HTT: variants seen among roughly 807,000 people sequenced by gnomAD.
HTT encodes huntingtin.
Under a neutral mutation model 362.3 loss-of-function variants are expected in HTT, and 104 were observed. That is an observed-to-expected ratio of 0.29 (90% CI 0.24 to 0.34). HTT has a LOEUF of 0.34. Among genes scored for constraint, HTT ranks in the 10% least tolerant of loss-of-function variants. The pLI, the probability that HTT is intolerant of heterozygous loss-of-function variation, is 1.00. For synonymous variants in HTT, 1,577 were observed against 1,548.7 expected (o/e 1.02, Z -0.43); for missense variants, 3,301 against 3,928.6 (o/e 0.84, Z 4.27).
Position 3,228,697 on chromosome 4 carries a change from C to T in HTT, c.7931C>T (p.Ala2644Val), listed in dbSNP as rs1284484170. The T allele has an allele frequency of 6.2e-7, 1 of 1,605,762 alleles. No individual in the cohort carries two copies. The highest frequency in any genetic ancestry group is 8.5e-7 in the Non-Finnish European group (1 of 1,173,818). ...EEWDEEEEEE[A>V]DAPAPSSPPT... is the part of the protein sequence containing the mutation. ...TGGGACGAGGAAGAGGAGGAGGAGG[C>T]CGACGCCCCTGCACCTTCGTCACCA... Residue 2644 changes from alanine (A) to valine (V), a missense_variant, in exon 58 of 67, where the codon GCC becomes GTC. By Grantham distance (64) the Ala-to-Val change is moderately conservative (BLOSUM62 0). Around this residue, in one of 4 missense-constraint regions of HTT, gnomAD observed 753 missense variants for 1,021.3 expected, o/e 0.74. Transcript: ENST00000355072. This position sits in a 1 kb window ranked among gnomAD's most constrained non-coding sequence, Gnocchi z 4.3.
intron 64 of HTT, among the ~76,000 whole-genome samples, chr4:3,237,914 A>G (rs1721615297): frequency 6.6e-6 from 1 of 152,226 alleles, no homozygotes; most frequent in South Asian, 2.1e-4. Flanking sequence ...CCTGGTTGAC[A>G]ACAGTGCCAC....
intron 3 of HTT, among the ~76,000 whole-genome samples, chr4:3,100,871 G>A (rs1714119232): frequency 6.6e-6 from 1 of 152,198 alleles, no homozygotes; most frequent in Non-Finnish European, 1.5e-5. Flanking sequence ...GGGACTACAG[G>A]CGTGCACCAC....
intron 42 of HTT, among the ~76,000 whole-genome samples, chr4:3,204,704 G>A (rs1719769582): frequency 6.6e-6 from 1 of 152,090 alleles, no homozygotes; most frequent in African/African-American, 2.4e-5. Flanking sequence ...GTGGTGGCTC[G>A]TGCCTGTAAT....
At chr4:3,148,742 G>A (rs1442072288) in intron 26 of HTT, among the ~76,000 whole-genome samples, 2 of 152,158 alleles carry the variant, frequency 1.3e-5, no homozygotes, top group African/African-American at 4.8e-5. Flanking sequence ...AGCTTGCAGT[G>A]AGCCGAGATC....
At chr4:3,181,691 C>T (rs1449875360) in intron 36 of HTT, among the ~76,000 whole-genome samples, 3 of 151,974 alleles carry the variant, frequency 2.0e-5, no homozygotes, top group Admixed American at 1.3e-4. Context: ...TACTTAATGC[C>T]TAATTAAATC....
At chr4:3,156,183 G>A (rs749397872) in intron 27 of HTT, among the ~76,000 whole-genome samples, 5 of 152,002 alleles carry the variant, frequency 3.3e-5, no homozygotes, top group Non-Finnish European at 7.4e-5. Flanking sequence ...ACCATGGCAC[G>A]ATCTCATCTC....
At chr4:3,204,250 C>A in intron 42 of HTT, 102 bp downstream of exon 42, 1 of 1,108,620 alleles carries the variant, frequency 9.0e-7, no homozygotes, top group Non-Finnish European at 1.3e-6. Context: ...CCAGACCGCC[C>A]GGTGTCCTGC....
rs761675140 is a variant in HTT at position 3,121,266 on chromosome 4, C to A, written c.1107C>A (p.Asp369Glu). The part of the protein sequence containing the change: ...ELTLHHTQHQ[D>E]HNVVTGALEL... ...CGTTACATCATACACAGCACCAAGA[C>A]CACAATGTTGTGACCGGAGCCCTGG... The change falls in exon 9 of 67, where the codon GAC becomes GAA. Residue 369 changes from aspartate to glutamate, a missense_variant. By Grantham distance (45) the Asp-to-Glu change is conservative. This residue lies in a region of HTT where 2,316 missense variants were observed against 2,658.5 expected (regional missense o/e 0.87). Transcript: ENST00000355072. 1 of 1,614,186 alleles carries A rather than the reference C, an allele frequency of 6.2e-7. No homozygotes were observed. Among genetic ancestry groups the A allele is most frequent in the East Asian group, 2.2e-5 (1 of 44,888 alleles).
chr4:3,116,810 A>C (rs1348785238), intron 8 of HTT, among the ~76,000 whole-genome samples: 1 of 152,204 alleles, frequency 6.6e-6, no homozygotes, highest in African/African-American at 2.4e-5. Context: ...TTGGCAGTTG[A>C]CTTCAGTTCT....
At chr4:3,174,500 G>A (rs1718139496) in intron 31 of HTT, among the ~76,000 whole-genome samples, 1 of 152,220 alleles carries the variant, frequency 6.6e-6, no homozygotes, top group South Asian at 2.1e-4. Flanking sequence ...TGCGAGTGAG[G>A]AGACTTGATG....
At chr4:3,144,033 A>G (rs1716480597) in intron 23 of HTT, among the ~76,000 whole-genome samples, 1 of 152,234 alleles carries the variant, frequency 6.6e-6, no homozygotes, top group African/African-American at 2.4e-5. Context: ...TTTTAACAAT[A>G]TGGAGATGTA....
chr4:3,111,744 G>T (rs1714763235), intron 6 of HTT, among the ~76,000 whole-genome samples: 1 of 152,116 alleles, frequency 6.6e-6, no homozygotes, highest in East Asian at 1.9e-4. Context: ...CTTTGCCGGA[G>T]GTGGGGGAGG....
At position 3,240,940 on chromosome 4, in the gene HTT, G is replaced by A. The variant is rs1721775154; in HGVS notation, c.*881G>A. The A allele has an allele frequency of 6.6e-6, 1 of 152,294 alleles. No homozygotes were observed. The highest frequency in any genetic ancestry group is 1.5e-5 in the Non-Finnish European group (1 of 68,090). 9.4% of individuals were successfully genotyped at this position (152,294 alleles called of 1,614,324 possible). A position where few individuals can be genotyped will look rare whatever the true frequency, so the allele number is the denominator to read the frequency against. ...CGCTCACCTGCAGCCCCTCCTCCTC[G>A]GGCACAGACGACTGTCGTTCTCCAC... On this transcript the variant is annotated 3_prime_UTR_variant, in exon 67 of 67. Coordinates refer to ENST00000355072, the MANE Select transcript of HTT (RefSeq NM_001388492.1).
At chr4:3,187,543 G>T in intron 38 of HTT, 108 bp from the exon 39 acceptor site, 1 of 756,088 alleles carries the variant, frequency 1.3e-6, no homozygotes, top group Non-Finnish European at 2.3e-6. Flanking sequence ...GAGGTTTATT[G>T]GTAGGATAGT....
intron 19 of HTT, among the ~76,000 whole-genome samples, chr4:3,135,205 C>G (rs1716001156): frequency 6.6e-6 from 1 of 151,822 alleles, no homozygotes; most frequent in Admixed American, 6.6e-5. Flanking sequence ...TTATACTGAA[C>G]CTAGGTAAGA....
chr4:3,200,987 A>G (rs2110263305), intron 41 of HTT, among the ~76,000 whole-genome samples: 1 of 152,348 alleles, frequency 6.6e-6, no homozygotes, highest in South Asian at 2.1e-4. Context: ...TATATCAGAA[A>G]GCTCTGAATC....
Position 3,215,230 on chromosome 4 carries a change from T to A in HTT, c.7054+19T>A. On this transcript the variant is annotated intron_variant, in intron 51 of 66. Coordinates refer to ENST00000355072, the MANE Select transcript of HTT (RefSeq NM_001388492.1). ...ACACAGAGTAAGTCTCAGGACCCAT[T>A]TTTTTCTTACATGTTGTTCCTCCAG... 6.3e-7 allele frequency: 1 copy of A among 1,582,964 alleles called. No homozygotes were observed. The highest frequency in any genetic ancestry group is 8.7e-7 in the Non-Finnish European group (1 of 1,153,800).
chr4:3,160,497 G>T, intron 29 of HTT, 105 bp downstream of exon 29: 3 of 779,090 alleles, frequency 3.9e-6, no homozygotes, highest in South Asian at 1.5e-5. Flanking sequence ...GGGTGCCTCC[G>T]GGAGACTCCT....
intron 27 of HTT, among the ~76,000 whole-genome samples, chr4:3,156,718 A>G (rs191808820): frequency 1.3e-4 from 20 of 152,286 alleles, no homozygotes; most frequent in Admixed American, 6.5e-4. Flanking sequence ...GTGCTCATGA[A>G]GTTGTTGGCC....
Sources: gnomAD v4.1 joint callset for allele counts (sites outside exome capture counted in the v4.1 genomes callset) on GRCh38, gnomAD v4.1.1 for gene constraint, gnomAD v4.1.1 regional missense constraint, Gnocchi (gnomAD v3.1) non-coding constraint, MANE v1.5 for transcripts, NCBI Gene and HGNC (gene_info 2026-07-23, HGNC 2026-07-21) for gene names.